The following GTF3C3 variants were observed in gnomAD, a reference collection of about 807,000 sequenced individuals.
GTF3C3 encodes the protein general transcription factor 3C polypeptide 3.
A neutral mutation model predicts 105.2 loss-of-function variants in GTF3C3; 75 were observed. The ratio of observed to expected loss-of-function variants is 0.71; its 90% CI spans 0.59 to 0.86. GTF3C3 has a LOEUF of 0.86. GTF3C3 is among the 40% of genes least tolerant of loss of function. GTF3C3 has a pLI of 0.00. For synonymous variants in GTF3C3, 335 were observed against 370.4 expected (o/e 0.90, Z 1.10); for missense variants, 856 against 1,076.5 (o/e 0.80, Z 2.87).
chr2:196,791,617 T>G (rs1025969303), intron 3 of GTF3C3, among the ~76,000 whole-genome samples, 157 bp from the exon 4 acceptor site: 1 of 152,184 alleles, frequency 6.6e-6, no homozygotes, highest in South Asian at 2.1e-4. Context: ...CAATTCTAAT[T>G]GACTCTTTAA....
intron 7 of GTF3C3, 82 bp downstream of exon 7, chr2:196,785,359 C>T (rs1016885231): frequency 1.8e-5 from 20 of 1,116,378 alleles, no homozygotes; most frequent in East Asian, 2.5e-5. Context: ...TTAACTAAAA[C>T]GAAGAACTGC....
chr2:196,790,189 T>A, intron 4 of GTF3C3, 119 bp from the exon 5 acceptor site: 1 of 544,594 alleles, frequency 1.8e-6, no homozygotes, highest in Non-Finnish European at 3.1e-6. Context: ...CAAATCACTC[T>A]AGCAGAATTA....
intron 8 of GTF3C3, among the ~76,000 whole-genome samples, chr2:196,783,196 A>T (rs1382528539): frequency 6.6e-6 from 1 of 151,978 alleles, no homozygotes; most frequent in African/African-American, 2.4e-5. Context: ...CATGCTAAAA[A>T]ATAAAGAAGC....
At chr2:196,779,752 G>A (rs1005359740) in intron 9 of GTF3C3, among the ~76,000 whole-genome samples, 1 of 151,908 alleles carries the variant, frequency 6.6e-6, no homozygotes, top group Admixed American at 6.6e-5. Flanking sequence ...TTTGAGACAG[G>A]GTCTGCAGTC....
In GTF3C3 at chr2:196,789,925, A is replaced by G; in HGVS notation, c.681T>C (p.Ser227=). 6.2e-7 allele frequency: 1 copy of G among 1,611,878 alleles called. No individual in the cohort carries two copies. The highest frequency in any genetic ancestry group is 1.1e-5 in the South Asian group (1 of 90,462). Residue 227 remains serine, a synonymous_variant, in exon 5 of 18, where the codon TCT becomes TCC. Coordinates refer to ENST00000263956, the MANE Select transcript of GTF3C3 (RefSeq NM_012086.5). ...CCTGCTTAATATTGTCTTGTTCCAG[A>G]GACATTTCTGCCAGTCTAACCCATT... is the stretch of plus-strand genomic sequence containing the variant. ...TEEWVRLAEM[S]LEQDNIKQAI...
At position 196,776,976 on chromosome 2, in the gene GTF3C3, T is replaced by C. The variant is rs1022978672; in HGVS notation, c.1391-347A>G. ...TTAGGTTGCTTTCAAATTTTTACTC[T>C]AATAAATAATACTGCAGTAAACATC... On this transcript the variant is annotated intron_variant, in intron 10 of 17. Coordinates refer to ENST00000263956, the MANE Select transcript of GTF3C3 (RefSeq NM_012086.5). The surrounding 1 kb of genome is among the most constrained non-coding windows in gnomAD (Gnocchi z 4.5). Among the ~76,000 whole-genome samples, 3 of 152,184 alleles carry C rather than the reference T, an allele frequency of 2.0e-5. No homozygotes were observed. Among genetic ancestry groups the C allele is most frequent in the Admixed American group, 2.0e-4 (3 of 15,276 alleles).
intron 16 of GTF3C3, among the ~76,000 whole-genome samples, chr2:196,769,582 A>G (rs2125739005): frequency 6.6e-6 from 1 of 152,134 alleles, no homozygotes; most frequent in Non-Finnish European, 1.5e-5. Flanking sequence ...TTTTTTTTTC[A>G]ACTACTTTAA....
In GTF3C3 at chr2:196,769,944, C is replaced by A. The variant is rs1453698217; in HGVS notation, c.2356G>T (p.Val786Leu). Residue 786 changes from valine to leucine, a missense_variant, in exon 16 of 18, where the codon GTG becomes TTG. Physicochemically the swap from Val to Leu is conservative, Grantham distance 32 (BLOSUM62 1). Transcript: ENST00000263956. ...TFIHMASQKY[V>L]LRRHALIVQG... ...ACAATAAGAGCATGTCTCCGTAACACATACTTCTGAGATGCCATATGAATA... is the reference window on the plus strand; with the variant it reads ...ACAATAAGAGCATGTCTCCGTAACAAATACTTCTGAGATGCCATATGAATA... 3 of 1,607,288 alleles carry A rather than the reference C, an allele frequency of 1.9e-6. No individual in the cohort carries two copies. Among genetic ancestry groups the A allele is most frequent in the Non-Finnish European group, 2.5e-6 (3 of 1,176,658 alleles).
At chr2:196,767,968 T>C (rs1459777010) in intron 16 of GTF3C3, among the ~76,000 whole-genome samples, 3 of 152,336 alleles carry the variant, frequency 2.0e-5, no homozygotes, top group African/African-American at 2.4e-5. Flanking sequence ...GTAGCCACTT[T>C]GTAGGTACTG....
intron 15 of GTF3C3, 37 bp from the exon 16 acceptor site, chr2:196,770,076 G>C (rs764983004): frequency 6.9e-7 from 1 of 1,451,778 alleles, no homozygotes; most frequent in East Asian, 2.6e-5. Flanking sequence ...GGTGTGACAA[G>C]AACAGAGTTA....
chr2:196,780,815 A>C (rs775154842), intron 8 of GTF3C3, 153 bp from the exon 9 acceptor site: 1 of 868,480 alleles, frequency 1.2e-6, no homozygotes, highest in Non-Finnish European at 1.6e-6. Context: ...TATCTCTCTC[A>C]GTCTGTCCTT....
Position 196,799,665 on chromosome 2 carries a change from G to T in GTF3C3, c.-54C>A. The stretch of plus-strand genomic sequence containing the variant: ...GGAACCGGGACAGAGAACCGGAAGA[G>T]CAGCGCCTTCCAGAAGCTACCTCGC... On this transcript the variant is annotated 5_prime_UTR_variant, in exon 1 of 18. Transcript: ENST00000263956. 7.6e-7 allele frequency: 1 copy of T among 1,313,848 alleles called. No homozygotes were observed. The highest frequency in any genetic ancestry group is 1.1e-6 in the Non-Finnish European group (1 of 909,760). The allele number at this position is 1,313,848 out of a possible 1,614,324, so 81.4% of individuals were successfully genotyped here.
chr2:196,771,386 CAGGGAGA>C (rs1699172603), intron 15 of GTF3C3, among the ~76,000 whole-genome samples: 1 of 152,116 alleles, frequency 6.6e-6, no homozygotes, highest in Non-Finnish European at 1.5e-5. Context: ...TAGGCCTAAG[CAGGGAGA>C]ATTGTTGACC....
intron 17 of GTF3C3, among the ~76,000 whole-genome samples, chr2:196,765,316 GA>G (rs944729061): frequency 6.7e-6 from 1 of 149,778 alleles, no homozygotes; most frequent in Non-Finnish European, 1.5e-5. Context: ...TGGGTCAACT[GA>G]AAAAAAAATC....
In GTF3C3 at chr2:196,788,793, G is replaced by A. The variant is rs147097116; in HGVS notation, c.893+411C>T. Among the ~76,000 whole-genome samples, 273 of 152,168 alleles carry A rather than the reference G, an allele frequency of 1.8e-3. 1 individual carries two copies. Among genetic ancestry groups the A allele is most frequent in the South Asian group, 4.4e-3 (21 of 4,814 alleles). ...CAATCTAAAATACAGGGCTGGGCAC[G>A]GTGGCTCATATGTGTAATCCTAGCA... is the stretch of plus-strand genomic sequence containing the variant. On this transcript the variant is annotated intron_variant, in intron 6 of 17. Coordinates refer to ENST00000263956, the MANE Select transcript of GTF3C3 (RefSeq NM_012086.5).
chr2:196,777,017 CAG>C (rs1356031301), intron 10 of GTF3C3, among the ~76,000 whole-genome samples: 1 of 152,142 alleles, frequency 6.6e-6, no homozygotes, highest in Non-Finnish European at 1.5e-5. Flanking sequence ...ATATATAAAC[CAG>C]AGCACACAAT....
chr2:196,777,847 A>G (rs867517333), intron 10 of GTF3C3: 1 of 152,238 alleles, frequency 6.6e-6, no homozygotes, highest in East Asian at 1.9e-4. Context: ...TTTTTAAAGT[A>G]TACACTATTA....
chr2:196,771,661 ATAAT>A (rs1699178287), intron 15 of GTF3C3, 83 bp downstream of exon 15: 2 of 852,320 alleles, frequency 2.3e-6, no homozygotes, highest in South Asian at 1.6e-5. Flanking sequence ...AGTGAGGCTG[ATAAT>A]TAACCCAGAC....
chr2:196,795,105 G>C (rs377062147), intron 2 of GTF3C3, among the ~76,000 whole-genome samples: 60 of 152,192 alleles, frequency 3.9e-4, no homozygotes, highest in African/African-American at 1.3e-3. Flanking sequence ...GCAGTGGTGC[G>C]ATCTCAGGTC....
Sources: gnomAD v4.1 joint callset for allele counts (sites outside exome capture counted in the v4.1 genomes callset) on GRCh38, gnomAD v4.1.1 for gene constraint, Gnocchi (gnomAD v3.1) non-coding constraint, MANE v1.5 for transcripts, NCBI Gene and HGNC (gene_info 2026-07-23, HGNC 2026-07-21) for gene names.